PRKCE: variants seen among roughly 807,000 people sequenced by gnomAD.
The protein encoded by PRKCE is protein kinase C epsilon type.
Under a neutral mutation model 85.4 loss-of-function variants are expected in PRKCE, and 16 were observed. The observed-to-expected ratio is 0.19, with a 90% CI of 0.13 to 0.28. The LOEUF is 0.28. Among genes scored for constraint, PRKCE ranks in the 10% least tolerant of loss-of-function variants. The probability of loss-of-function intolerance (pLI) is 1.00; values close to 1 mark genes in which losing one functional copy is unlikely to be tolerated. For missense variants in PRKCE, 573 were observed against 975.2 expected (o/e 0.59, Z 5.49); for synonymous variants, 388 against 371.5 (o/e 1.04, Z -0.51).
At chr2:45,771,998 A>G (rs763286198) in intron 1 of PRKCE, among the ~76,000 whole-genome samples, 96 of 151,884 alleles carry the variant, frequency 6.3e-4, no homozygotes, top group Non-Finnish European at 9.7e-4. Context: ...GGGAAGGGCA[A>G]CCCCTTCTCA....
chr2:45,661,571 C>T (rs1320332252), intron 1 of PRKCE, among the ~76,000 whole-genome samples: 1 of 146,772 alleles, frequency 6.8e-6, no homozygotes, highest in Non-Finnish European at 1.5e-5. Flanking sequence ...CTCTGTCGCC[C>T]AGGCTGGAGT....
chr2:46,144,494 T>G (rs1194433344), intron 11 of PRKCE, among the ~76,000 whole-genome samples: 1 of 152,162 alleles, frequency 6.6e-6, no homozygotes, highest in Non-Finnish European at 1.5e-5. Context: ...TTCTCCTCTC[T>G]CCCATCTTCT....
At chr2:45,678,908 G>C (rs1239970788) in intron 1 of PRKCE, among the ~76,000 whole-genome samples, 1 of 152,122 alleles carries the variant, frequency 6.6e-6, no homozygotes, top group African/African-American at 2.4e-5. Flanking sequence ...GTTCATCCTT[G>C]TTGAGGCCTA....
intron 2 of PRKCE, among the ~76,000 whole-genome samples, chr2:45,903,832 A>T (rs1202492139): frequency 6.6e-6 from 1 of 150,904 alleles, no homozygotes; most frequent in Admixed American, 6.6e-5. Context: ...CTTTCATCAT[A>T]TCCCCCTCAG....
chr2:45,976,865 G>A (rs1216766787), intron 3 of PRKCE, among the ~76,000 whole-genome samples: 3 of 119,990 alleles, frequency 2.5e-5, no homozygotes, highest in African/African-American at 1.0e-4. Context: ...GACTGTGTGT[G>A]TGTGTGTGTG....
chr2:46,038,134 C>T (rs1707989575), intron 10 of PRKCE, among the ~76,000 whole-genome samples: 1 of 151,990 alleles, frequency 6.6e-6, no homozygotes. Context: ...GGCCCTTCCT[C>T]TATAGTTATC....
intron 11 of PRKCE, among the ~76,000 whole-genome samples, chr2:46,109,036 T>C (rs1242598192): frequency 1.3e-5 from 2 of 152,220 alleles, no homozygotes; most frequent in Non-Finnish European, 2.9e-5. Flanking sequence ...AGGCTTTCTA[T>C]TCTGTTTCAT....
intron 2 of PRKCE, among the ~76,000 whole-genome samples, chr2:45,964,575 C>T (rs1435016513): frequency 6.6e-6 from 1 of 152,206 alleles, no homozygotes; most frequent in South Asian, 2.1e-4. Flanking sequence ...AGTAAAGTTC[C>T]ACCATGACTG....
At chr2:45,744,665 T>C (rs1682994620) in intron 1 of PRKCE, among the ~76,000 whole-genome samples, 2 of 151,668 alleles carry the variant, frequency 1.3e-5, no homozygotes, top group Non-Finnish European at 2.9e-5. Flanking sequence ...TGGAGTGCAG[T>C]GGTGCCGTCT....
intron 10 of PRKCE, among the ~76,000 whole-genome samples, chr2:46,054,008 A>G (rs1209418496): frequency 6.6e-6 from 1 of 152,222 alleles, no homozygotes; most frequent in East Asian, 1.9e-4. Flanking sequence ...CTTATTTCAG[A>G]GTAGCCCTGT....
rs1179878652 is a variant in PRKCE, at chr2:46,004,147, A to G, written c.967-395A>G. The G allele has an allele frequency of 3.4e-6, 1 of 294,028 alleles. No homozygotes were observed. The highest frequency in any genetic ancestry group is 6.7e-6 in the Non-Finnish European group (1 of 149,778). 18.2% of individuals were successfully genotyped at this position (294,028 alleles called of 1,614,324 possible). On this transcript the variant is annotated intron_variant, in intron 7 of 14. Transcript: ENST00000306156. The surrounding 1 kb of genome is among the most constrained non-coding windows in gnomAD (Gnocchi z 4.1). ...TGTACCCGTCCAATGTAGATGATGT[A>G]TTTCTTCCTGTAAACCTGGACTACT... is the stretch of plus-strand genomic sequence containing the variant.
intron 1 of PRKCE, among the ~76,000 whole-genome samples, chr2:45,742,057 C>T (rs754826453): frequency 1.2e-4 from 19 of 152,100 alleles, no homozygotes; most frequent in South Asian, 1.0e-3. Flanking sequence ...GGGAATTTCT[C>T]GGATATCACA....
intron 2 of PRKCE, among the ~76,000 whole-genome samples, chr2:45,854,072 T>C (rs1049059535): frequency 7.9e-5 from 12 of 152,188 alleles, no homozygotes; most frequent in Non-Finnish European, 1.5e-4. Flanking sequence ...CATATTTATA[T>C]TGTACCTATA....
chr2:46,125,314 G>T (rs3754569), intron 11 of PRKCE, among the ~76,000 whole-genome samples: 68,784 of 152,068 alleles, frequency 0.45, 18,827 homozygotes, highest in East Asian at 0.8. Flanking sequence ...GGACTGTTTG[G>T]TTGCTGATGT....
At chr2:45,853,386 G>A (rs1692430748) in intron 2 of PRKCE, among the ~76,000 whole-genome samples, 1 of 152,174 alleles carries the variant, frequency 6.6e-6, no homozygotes, top group Non-Finnish European at 1.5e-5. Flanking sequence ...CAACCAGTCA[G>A]GATATTGAAT....
chr2:45,941,173 A>G (rs1573961840), intron 2 of PRKCE, among the ~76,000 whole-genome samples: 1 of 152,062 alleles, frequency 6.6e-6, no homozygotes, highest in Non-Finnish European at 1.5e-5. Context: ...TGAAAGCAAT[A>G]CAGTAGCCTA....
chr2:45,913,047 T>C (rs1185101588), intron 2 of PRKCE, among the ~76,000 whole-genome samples: 3 of 152,228 alleles, frequency 2.0e-5, no homozygotes, highest in Non-Finnish European at 4.4e-5. Context: ...GTATCTTCTC[T>C]AAGCTCCAGA....
intron 11 of PRKCE, among the ~76,000 whole-genome samples, chr2:46,116,808 C>T (rs918195938): frequency 5.3e-5 from 8 of 152,022 alleles, no homozygotes; most frequent in Non-Finnish European, 1.0e-4. Context: ...GCATCCTATA[C>T]TGAAATGAGG....
intron 2 of PRKCE, among the ~76,000 whole-genome samples, chr2:45,919,300 C>T (rs997295528): frequency 6.6e-6 from 1 of 152,186 alleles, no homozygotes; most frequent in African/African-American, 2.4e-5. Flanking sequence ...TGTGGGAAGG[C>T]TGGGCTGGGC....
Sources: allele counts gnomAD v4.1 joint callset (sites outside exome capture counted in the v4.1 genomes callset), GRCh38; gene constraint gnomAD v4.1.1; non-coding constraint Gnocchi (gnomAD v3.1); transcripts MANE v1.5; gene names NCBI Gene and HGNC (gene_info 2026-07-23, HGNC 2026-07-21).